Variants in GPR158 observed in about 807,000 individuals in gnomAD.
The protein encoded by GPR158 is G protein-coupled receptor 158, also known as metabotropic glycine receptor.
In GPR158, 30 loss-of-function variants were observed where a neutral mutation model predicts 78.2. The ratio of observed to expected loss-of-function variants is 0.38; its 90% confidence interval spans 0.29 to 0.52. GPR158 has a LOEUF of 0.52. Ranked by LOEUF, GPR158 falls within the 20% of genes least tolerant of loss-of-function variation. The pLI, the probability that GPR158 is intolerant of heterozygous loss-of-function variation, is 0.83. For synonymous variants in GPR158, 581 were observed against 591.1 expected, an observed-to-expected ratio of 0.98 and a Z score of 0.25; for missense variants, 1,463 against 1,523.5, an observed-to-expected ratio of 0.96 and a Z score of 0.66.
intron 3 of GPR158, among the ~76,000 whole-genome samples, chr10:25,404,745 A>G (rs1466719900): frequency 6.6e-6 from 1 of 152,122 alleles, no homozygotes; most frequent in East Asian, 1.9e-4. Context: ...CTTTTCACAT[A>G]CCATATAGAT....
Position 25,344,538 on chromosome 10 carries a change from C to G in GPR158, c.1009-51373C>G, listed in dbSNP as rs990460595. Among the ~76,000 whole-genome samples the G allele has an allele frequency of 3.3e-5, 5 of 151,952 alleles. No homozygotes were observed. In the South Asian group the frequency reaches 8.3e-4, roughly 25 times the overall value. On this transcript the variant is annotated intron_variant, in intron 2 of 10. Coordinates refer to ENST00000376351, the MANE Select transcript of GPR158 (RefSeq NM_020752.3). ...AAAAAAGAGGTTATAGAATCTAAGGCCCTATCTGCATTATAGCTAATTCAT... is the reference window on the plus strand; with the variant it reads ...AAAAAAGAGGTTATAGAATCTAAGGGCCTATCTGCATTATAGCTAATTCAT...
At chr10:25,240,518 A>G (rs1185347816) in intron 2 of GPR158, among the ~76,000 whole-genome samples, 2 of 152,174 alleles carry the variant, frequency 1.3e-5, no homozygotes, top group African/African-American at 4.8e-5. Context: ...ACTTTGACTA[A>G]ATGGTCAGGA....
At chr10:25,532,758 A>G (rs1477607538) in intron 5 of GPR158, among the ~76,000 whole-genome samples, 1 of 150,340 alleles carries the variant, frequency 6.7e-6, no homozygotes, top group African/African-American at 2.5e-5. Context: ...AAAAAATACC[A>G]AAGCATATAA....
chr10:25,598,839 A>G lies in GPR158; in HGVS notation c.3213A>G (p.Val1071=), dbSNP rs776333052. ...AGAAGCGCATAGATAAGGCTGAAGT[A>G]TGCCTTTGGGAGAGCCAAGGCCAGT... The part of the protein sequence containing the change: ...SNQKRIDKAE[V]CLWESQGQSI... Residue 1071 remains valine, a synonymous_variant, in exon 11 of 11, where the codon GTA becomes GTG. Transcript: ENST00000376351. 2.5e-6 allele frequency: 4 copies of G among 1,614,038 alleles called. No individual in the cohort carries two copies. In the Admixed American group the frequency reaches 6.7e-5, roughly 27 times the overall value.
intron 5 of GPR158, among the ~76,000 whole-genome samples, chr10:25,504,760 T>C (rs956635690): frequency 1.3e-5 from 2 of 152,220 alleles, no homozygotes; most frequent in Non-Finnish European, 2.9e-5. Context: ...TAAGTTTATA[T>C]AAATTTTTTT....
intron 2 of GPR158, among the ~76,000 whole-genome samples, chr10:25,252,097 T>C (rs1182778793): frequency 6.6e-6 from 1 of 152,202 alleles, no homozygotes; most frequent in Non-Finnish European, 1.5e-5. Context: ...TTCTTCCAGT[T>C]GATCGCATCA....
intron 2 of GPR158, among the ~76,000 whole-genome samples, chr10:25,335,834 A>C (rs1298341286): frequency 6.6e-6 from 1 of 152,054 alleles, no homozygotes; most frequent in South Asian, 2.1e-4. Context: ...CAAAATTGCC[A>C]ATCAGAAATA....
chr10:25,346,413 T>C (rs1188176255), intron 2 of GPR158, among the ~76,000 whole-genome samples: 1 of 151,886 alleles, frequency 6.6e-6, no homozygotes, highest in African/African-American at 2.4e-5. Context: ...CAGGTGTCCA[T>C]TATAAACAAA....
At chr10:25,430,902 A>G (rs1275443972) in intron 4 of GPR158, among the ~76,000 whole-genome samples, 1 of 151,692 alleles carries the variant, frequency 6.6e-6, no homozygotes, top group Non-Finnish European at 1.5e-5. Flanking sequence ...CTAAAACCAT[A>G]AAAACCCTAG....
At chr10:25,265,953 C>T (rs781033655) in intron 2 of GPR158, among the ~76,000 whole-genome samples, 7 of 152,116 alleles carry the variant, frequency 4.6e-5, no homozygotes, top group Non-Finnish European at 8.8e-5. Flanking sequence ...TTTACATTGC[C>T]GACTGGGTTC....
chr10:25,220,977 A>G, intron 1 of GPR158, 75 bp from the exon 2 acceptor site: 1 of 898,720 alleles, frequency 1.1e-6, no homozygotes, highest in Non-Finnish European at 1.7e-6. Flanking sequence ...ATAATTTTCT[A>G]ATTTCAAGCT....
chr10:25,179,270 G>A (rs951630168), intron 1 of GPR158, among the ~76,000 whole-genome samples: 1 of 152,116 alleles, frequency 6.6e-6, no homozygotes, highest in Non-Finnish European at 1.5e-5. Context: ...AACCAGATTA[G>A]GAGCCCTGAT....
chr10:25,496,416 G>A (rs1450705146), intron 5 of GPR158, among the ~76,000 whole-genome samples: 1 of 152,168 alleles, frequency 6.6e-6, no homozygotes, highest in East Asian at 1.9e-4. Flanking sequence ...AACTCCACAT[G>A]CCTGTCTTTT....
intron 2 of GPR158, among the ~76,000 whole-genome samples, chr10:25,274,919 G>A (rs1854163620): frequency 6.6e-6 from 1 of 151,986 alleles, no homozygotes; most frequent in Non-Finnish European, 1.5e-5. Flanking sequence ...GCTGAGTTAC[G>A]GTGACAAAGA....
chr10:25,371,975 T>C (rs1834000212), intron 2 of GPR158, among the ~76,000 whole-genome samples: 1 of 151,042 alleles, frequency 6.6e-6, no homozygotes, highest in African/African-American at 2.4e-5. Context: ...AGGGCTAATA[T>C]CCAGAATCTG....
intron 3 of GPR158, among the ~76,000 whole-genome samples, chr10:25,401,048 T>G (rs1834438887): frequency 6.6e-6 from 1 of 152,202 alleles, no homozygotes; most frequent in Non-Finnish European, 1.5e-5. Context: ...CAAGGCTGAC[T>G]TGTCTCTGGG....
intron 4 of GPR158, among the ~76,000 whole-genome samples, chr10:25,443,380 C>A (rs1340286003): frequency 1.3e-5 from 2 of 151,714 alleles, no homozygotes; most frequent in Non-Finnish European, 2.9e-5. Flanking sequence ...TTTGGTGAAA[C>A]CCCACCTCTA....
intron 1 of GPR158, among the ~76,000 whole-genome samples, chr10:25,213,199 T>TAG (rs1382007187): frequency 1.3e-4 from 20 of 152,192 alleles, no homozygotes; most frequent in Non-Finnish European, 2.4e-4. Context: ...TTCAGTACTA[T>TAG]GTTACATAGC....
At chr10:25,191,304 T>C (rs1471716073) in intron 1 of GPR158, among the ~76,000 whole-genome samples, 3 of 152,224 alleles carry the variant, frequency 2.0e-5, no homozygotes, top group Admixed American at 6.5e-5. Flanking sequence ...TCACTTGCAT[T>C]AGCTATGGCT....
Sources: gnomAD v4.1 joint callset for allele counts (sites outside exome capture counted in the v4.1 genomes callset) on GRCh38, gnomAD v4.1.1 for gene constraint, MANE v1.5 for transcripts, NCBI Gene and HGNC (gene_info 2026-07-23, HGNC 2026-07-21) for gene names.